TMEM144: variants seen among roughly 807,000 people sequenced by gnomAD.
The protein encoded by TMEM144 is transmembrane protein 144.
In TMEM144, 39 loss-of-function variants were observed where a neutral mutation model predicts 43.6. The observed-to-expected ratio is 0.90, with a 90% CI of 0.69 to 1.17. TMEM144 has a LOEUF of 1.17. Among genes scored for constraint, TMEM144 ranks in the 50% most tolerant of loss-of-function variants. The pLI is 0.00. For synonymous variants in TMEM144, 154 were observed against 133.6 expected (o/e 1.15, Z -1.06); for missense variants, 417 against 411.9 (o/e 1.01, Z -0.11).
At position 158,219,361 on chromosome 4, in the gene TMEM144, T is replaced by C. The variant is rs1341632661; in HGVS notation, c.384T>C (p.Asn128=). The part of the protein sequence containing the change: ...DAEEVSNPLL[N]YIGAGLSVVS... ...AAGAAGTATCAAATCCGCTGCTAAATTACATTGGAGCTGGGCTATCAGTAG... is the reference window on the plus strand; with the variant it reads ...AAGAAGTATCAAATCCGCTGCTAAACTACATTGGAGCTGGGCTATCAGTAG... Residue 128 remains asparagine, a synonymous_variant, in exon 6 of 13, where the codon AAT becomes AAC. Coordinates refer to ENST00000296529, the MANE Select transcript of TMEM144 (RefSeq NM_018342.5). 10 of 1,613,808 alleles carry C rather than the reference T, an allele frequency of 6.2e-6. No homozygotes were observed. Among genetic ancestry groups the C allele is most frequent in the Non-Finnish European group, 8.5e-6 (10 of 1,179,852 alleles).
intron 6 of TMEM144, among the ~76,000 whole-genome samples, chr4:158,229,250 C>T (rs906628165): frequency 1.3e-5 from 2 of 152,172 alleles, no homozygotes; most frequent in Non-Finnish European, 2.9e-5. Flanking sequence ...CAAGGTCACT[C>T]TTCTGTAGGG....
intron 6 of TMEM144, among the ~76,000 whole-genome samples, chr4:158,231,697 G>A (rs2111127786): frequency 6.6e-6 from 1 of 152,204 alleles, no homozygotes; most frequent in East Asian, 1.9e-4. Flanking sequence ...GCAAGTGCAA[G>A]TCGTTGTGAA....
At chr4:158,212,432 T>C (rs1163252501) in intron 2 of TMEM144, among the ~76,000 whole-genome samples, 176 bp from the exon 3 acceptor site, 1 of 152,210 alleles carries the variant, frequency 6.6e-6, no homozygotes, top group South Asian at 2.1e-4. Flanking sequence ...TGATCAAAAA[T>C]ATTTGGTGAT....
At chr4:158,227,509 TG>T (rs1373385787) in intron 6 of TMEM144, among the ~76,000 whole-genome samples, 2 of 152,222 alleles carry the variant, frequency 1.3e-5, no homozygotes, top group African/African-American at 2.4e-5. Context: ...TAAGGTACAC[TG>T]TTTTTTTTCT....
intron 8 of TMEM144, among the ~76,000 whole-genome samples, chr4:158,236,215 CA>C (rs1376999746): frequency 1.3e-5 from 2 of 152,076 alleles, no homozygotes; most frequent in African/African-American, 4.8e-5. Context: ...GCTATGTTTA[CA>C]GGGGGAAAGA....
chr4:158,217,509 T>G, intron 5 of TMEM144, 89 bp downstream of exon 5: 1 of 933,560 alleles, frequency 1.1e-6, no homozygotes, highest in Non-Finnish European at 1.7e-6. Flanking sequence ...AACATATGAT[T>G]CTTATTCTCA....
At chr4:158,214,757 G>A (rs1337758222) in intron 3 of TMEM144, among the ~76,000 whole-genome samples, 1 of 152,110 alleles carries the variant, frequency 6.6e-6, no homozygotes, top group Non-Finnish European at 1.5e-5. Flanking sequence ...GTTTACTGTT[G>A]TGCTATTCCG....
At position 158,212,752 on chromosome 4, in the gene TMEM144, C is replaced by G. The variant is rs746887960; in HGVS notation, c.85C>G (p.Leu29Val). 1.9e-6 allele frequency: 3 copies of G among 1,613,528 alleles called. No homozygotes were observed. Among genetic ancestry groups the G allele is most frequent in the African/African-American group, 1.3e-5 (1 of 74,888 alleles). Residue 29 changes from leucine to valine, a missense_variant, in exon 3 of 13, where the codon CTT becomes GTT. By Grantham distance (32) the Leu-to-Val change is conservative. Coordinates refer to ENST00000296529, the MANE Select transcript of TMEM144 (RefSeq NM_018342.5). ...ILLFGSNFVP[L>V]KKFDTGDGMF... ...TTTGTTTGGCTCAAATTTTGTGCCACTTAAAAAATTTGATACTGGTGATGG... is the reference window on the plus strand; with the variant it reads ...TTTGTTTGGCTCAAATTTTGTGCCAGTTAAAAAATTTGATACTGGTGATGG...
chr4:158,217,394 T>A lies in TMEM144; in HGVS notation c.306T>A (p.Asn102Lys). The A allele has an allele frequency of 6.2e-7, 1 of 1,613,246 alleles. No individual in the cohort carries two copies. Among genetic ancestry groups the A allele is most frequent in the South Asian group, 1.1e-5 (1 of 91,046 alleles). Residue 102 changes from asparagine to lysine, a missense_variant, in exon 5 of 13, where the codon AAT becomes AAA. Asn to Lys is a moderately conservative substitution (Grantham distance 94). Coordinates refer to ENST00000296529, the MANE Select transcript of TMEM144 (RefSeq NM_018342.5). ...GAATCTTAATCTGGGGATCATTTAA[T>A]GCCTTAACTGGCTGGGCAAGCTCAA... ...GLGILIWGSF[N>K]ALTGWASSRF...
At chr4:158,224,051 C>T (rs1438132472) in intron 6 of TMEM144, among the ~76,000 whole-genome samples, 3 of 152,176 alleles carry the variant, frequency 2.0e-5, no homozygotes, top group Non-Finnish European at 4.4e-5. Flanking sequence ...ATTCCTATTT[C>T]TCCACAGCTT....
intron 11 of TMEM144, 60 bp downstream of exon 11, chr4:158,241,666 G>A: frequency 7.1e-7 from 1 of 1,417,784 alleles, no homozygotes; most frequent in Non-Finnish European, 1.0e-6. Context: ...CAATTTTTCT[G>A]AAGCACTCTT....
chr4:158,236,137 G>A (rs544796287), intron 8 of TMEM144, among the ~76,000 whole-genome samples: 13 of 152,232 alleles, frequency 8.5e-5, no homozygotes, highest in African/African-American at 2.6e-4. Flanking sequence ...TTTGATGGCT[G>A]CTTTAAACTT....
chr4:158,225,538 C>A (rs983512446), intron 6 of TMEM144, among the ~76,000 whole-genome samples: 2 of 152,256 alleles, frequency 1.3e-5, no homozygotes, highest in South Asian at 4.1e-4. Flanking sequence ...TAAATAGATA[C>A]GAGAGTTGAA....
chr4:158,252,799 C>T (rs1475836670), intron 12 of TMEM144, among the ~76,000 whole-genome samples: 1 of 144,248 alleles, frequency 6.9e-6, no homozygotes, highest in Non-Finnish European at 1.5e-5. Context: ...CGGAGGGAGA[C>T]TCCGTCTCAA....
intron 11 of TMEM144, among the ~76,000 whole-genome samples, chr4:158,243,069 T>C (rs1735707204): frequency 6.6e-6 from 1 of 152,216 alleles, no homozygotes; most frequent in Non-Finnish European, 1.5e-5. Flanking sequence ...AATGATACCT[T>C]GTGGTATTGT....
At chr4:158,216,795 G>T (rs1237848268) in intron 4 of TMEM144, among the ~76,000 whole-genome samples, 1 of 151,680 alleles carries the variant, frequency 6.6e-6, no homozygotes, top group African/African-American at 2.4e-5. Flanking sequence ...TCCTAAAGAG[G>T]TAACCTTTTA....
chr4:158,233,071 G>C, intron 7 of TMEM144, 89 bp downstream of exon 7: 1 of 1,019,218 alleles, frequency 9.8e-7, no homozygotes, highest in Non-Finnish European at 1.4e-6. Context: ...ATGAAAAAGT[G>C]GTGTTTGCTC....
chr4:158,213,508 C>G (rs1380628295), intron 3 of TMEM144: 1 of 152,154 alleles, frequency 6.6e-6, no homozygotes, highest in Non-Finnish European at 1.5e-5. Flanking sequence ...TTCTCCTAGC[C>G]CCATTTTCCC....
At chr4:158,225,945 A>G (rs562946534) in intron 6 of TMEM144, among the ~76,000 whole-genome samples, 4 of 152,246 alleles carry the variant, frequency 2.6e-5, no homozygotes, top group Non-Finnish European at 4.4e-5. Flanking sequence ...TCCAGGCTAT[A>G]GAATCCTGGA....
Sources: allele counts gnomAD v4.1 joint callset (sites outside exome capture counted in the v4.1 genomes callset), GRCh38; gene constraint gnomAD v4.1.1; transcripts MANE v1.5; gene names NCBI Gene and HGNC (gene_info 2026-07-23, HGNC 2026-07-21).